The following CA10 variants were observed in gnomAD, a reference collection of about 807,000 sequenced individuals.
The protein encoded by CA10 is carbonic anhydrase-related protein 10.
Under a neutral mutation model 44.2 loss-of-function variants are expected in CA10, and 14 were observed. The observed-to-expected ratio is 0.32, with a 90% CI of 0.21 to 0.50. The LOEUF (loss-of-function observed/expected upper bound fraction) is 0.50, where lower values mean the gene tolerates loss of function less well. Among genes scored for constraint, CA10 ranks in the 20% least tolerant of loss-of-function variants. CA10 has a pLI of 0.99. For synonymous variants in CA10, 159 were observed against 141.6 expected, an observed-to-expected ratio of 1.12 and a Z score of -0.87; for missense variants, 350 against 409.7, an observed-to-expected ratio of 0.85 and a Z score of 1.26.
intron 3 of CA10, among the ~76,000 whole-genome samples, chr17:51,774,083 T>C (rs1263157979): frequency 1.3e-5 from 2 of 152,216 alleles, no homozygotes; most frequent in Non-Finnish European, 2.9e-5. Context: ...TAATTTGGTA[T>C]AGGGCTGGGG....
intron 3 of CA10, among the ~76,000 whole-genome samples, chr17:51,828,689 C>A (rs1388611519): frequency 6.6e-6 from 1 of 152,148 alleles, no homozygotes; most frequent in Non-Finnish European, 1.5e-5. Context: ...GGAATCAAAG[C>A]TTCAAGAACA....
intron 2 of CA10, among the ~76,000 whole-genome samples, chr17:51,980,390 T>C (rs1037598733): frequency 3.9e-5 from 6 of 152,008 alleles, no homozygotes; most frequent in African/African-American, 1.4e-4. Context: ...TTTTCTTTTA[T>C]ACATTTAAGT....
intron 3 of CA10, among the ~76,000 whole-genome samples, chr17:51,814,806 C>T (rs1404535534): frequency 6.6e-6 from 1 of 152,148 alleles, no homozygotes; most frequent in African/African-American, 2.4e-5. Flanking sequence ...TGTTTTTGCT[C>T]AGTGGAGCTG....
At chr17:51,680,935 G>A (rs1184002484) in intron 4 of CA10, among the ~76,000 whole-genome samples, 5 of 152,158 alleles carry the variant, frequency 3.3e-5, no homozygotes, top group Non-Finnish European at 7.3e-5. Flanking sequence ...CATTCCCAGA[G>A]AGCCAGAATG....
At chr17:51,716,419 G>T (rs939517294) in intron 4 of CA10, among the ~76,000 whole-genome samples, 3 of 152,142 alleles carry the variant, frequency 2.0e-5, no homozygotes, top group Middle Eastern at 3.4e-3. Flanking sequence ...TGTCTAAAAT[G>T]CTCATGGTTC....
In CA10 at chr17:51,736,035, T is replaced by C. The variant is rs116100959; in HGVS notation, c.465+11598A>G. Among the ~76,000 whole-genome samples the C allele has an allele frequency of 5.9e-3, 898 of 152,306 alleles. 6 individuals are homozygous for C. The highest frequency in any genetic ancestry group is 0.021 in the African/African-American group (853 of 41,562). On this transcript the variant is annotated intron_variant, in intron 4 of 8. Coordinates refer to ENST00000451037, the MANE Select transcript of CA10 (RefSeq NM_020178.5). ...ACTATGTATTTGTGAAAAAGCATCA[T>C]ATTGTACAGTTTAAATTCTTAAATT...
intron 3 of CA10, among the ~76,000 whole-genome samples, chr17:51,817,016 AAGCCATT>A (rs1327070837): frequency 4.6e-5 from 7 of 152,220 alleles, no homozygotes; most frequent in African/African-American, 1.7e-4. Flanking sequence ...ATGTTTGTTA[AAGCCATT>A]AGCCCATCCT....
intron 2 of CA10, among the ~76,000 whole-genome samples, chr17:51,969,531 T>C (rs574825324): frequency 6.6e-6 from 1 of 152,176 alleles, no homozygotes; most frequent in East Asian, 1.9e-4. Context: ...GCAAACCGAC[T>C]GACAGTCTTA....
At chr17:52,096,071 T>G (rs1196623152) in intron 1 of CA10, among the ~76,000 whole-genome samples, 1 of 152,152 alleles carries the variant, frequency 6.6e-6, no homozygotes, top group East Asian at 1.9e-4. Context: ...TTCCCAGGTA[T>G]TGTGAATATC....
intron 1 of CA10, among the ~76,000 whole-genome samples, chr17:52,127,394 T>C (rs1206410626): frequency 1.3e-5 from 2 of 152,206 alleles, no homozygotes; most frequent in African/African-American, 4.8e-5. Context: ...TACTATGCTG[T>C]ATATGGTTCC....
intron 4 of CA10, among the ~76,000 whole-genome samples, chr17:51,673,015 C>G (rs1914482217): frequency 6.6e-6 from 1 of 152,214 alleles, no homozygotes; most frequent in African/African-American, 2.4e-5. Context: ...TTGGCTGAGA[C>G]AAAACACACA....
intron 3 of CA10, among the ~76,000 whole-genome samples, chr17:51,878,061 T>G (rs559542465): frequency 1.4e-5 from 2 of 144,522 alleles, no homozygotes; most frequent in African/African-American, 5.2e-5. Flanking sequence ...GGAGAATTGC[T>G]TGAACCCAGA....
At chr17:51,874,561 G>C (rs28582594) in intron 3 of CA10, among the ~76,000 whole-genome samples, 19,456 of 152,036 alleles carry the variant, frequency 0.13, 1,616 homozygotes, top group African/African-American at 0.25. Flanking sequence ...ACCAGGAAAG[G>C]CATATGAGAG....
intron 3 of CA10, among the ~76,000 whole-genome samples, chr17:51,911,880 G>A (rs1981803802): frequency 6.6e-6 from 1 of 152,114 alleles, no homozygotes; most frequent in Non-Finnish European, 1.5e-5. Flanking sequence ...CAATTTCAGT[G>A]CATATTAATT....
chr17:52,017,767 T>A (rs1268573547), intron 2 of CA10, among the ~76,000 whole-genome samples: 1 of 152,040 alleles, frequency 6.6e-6, no homozygotes, highest in Non-Finnish European at 1.5e-5. Context: ...GCTAGAGACA[T>A]TCACATGACT....
intron 4 of CA10, among the ~76,000 whole-genome samples, 185 bp from the exon 5 acceptor site, chr17:51,653,921 C>A (rs1472751697): frequency 2.0e-5 from 3 of 152,200 alleles, no homozygotes; most frequent in African/African-American, 7.2e-5. Flanking sequence ...TGTACACGCA[C>A]ACAAAAATAC....
At chr17:51,798,320 A>G (rs1236018387) in intron 3 of CA10, among the ~76,000 whole-genome samples, 1 of 152,248 alleles carries the variant, frequency 6.6e-6, no homozygotes, top group Non-Finnish European at 1.5e-5. Context: ...TCAGCCTCTG[A>G]AAATGTATGA....
At chr17:51,939,998 C>T (rs1983016498) in intron 2 of CA10, among the ~76,000 whole-genome samples, 1 of 151,980 alleles carries the variant, frequency 6.6e-6, no homozygotes, top group Non-Finnish European at 1.5e-5. Context: ...GTTTTTCTTA[C>T]ATTTTTATAA....
intron 3 of CA10, among the ~76,000 whole-genome samples, chr17:51,914,633 C>T (rs1018915521): frequency 5.3e-5 from 8 of 152,170 alleles, no homozygotes; most frequent in Admixed American, 1.3e-4. Context: ...ATCCCTCATG[C>T]TCTCAAAACA....
Sources: gnomAD v4.1 joint callset for allele counts (sites outside exome capture counted in the v4.1 genomes callset) on GRCh38, gnomAD v4.1.1 for gene constraint, MANE v1.5 for transcripts, NCBI Gene and HGNC (gene_info 2026-07-23, HGNC 2026-07-21) for gene names.